Variants in MGAT5B observed in about 807,000 individuals in gnomAD.
The protein encoded by MGAT5B is alpha-1,6-mannosylglycoprotein 6-beta-N-acetylglucosaminyltransferase B, also known as N-acetylglucosaminyl-transferase Vb.
MGAT5B carries 54 observed loss-of-function variants against 95.1 expected under a neutral mutation model. The observed-to-expected ratio is 0.57, with a 90% confidence interval of 0.46 to 0.71. The LOEUF (loss-of-function observed/expected upper bound fraction) is 0.71, where lower values mean the gene tolerates loss of function less well. Ranked by LOEUF, MGAT5B falls within the 30% of genes least tolerant of loss-of-function variation. MGAT5B has a pLI of 0.00. For missense variants in MGAT5B, 935 were observed against 1,088.6 expected (o/e 0.86, Z 1.99); for synonymous variants, 464 against 451.0 (o/e 1.03, Z -0.36).
At position 76,906,249 on chromosome 17, in the gene MGAT5B, A is replaced by C. The variant is rs1598940205; in HGVS notation, c.1025+62A>C. The C allele has an allele frequency of 1.3e-6, 2 of 1,486,286 alleles. No homozygotes were observed. The highest frequency in any genetic ancestry group is 1.5e-5 in the African/African-American group (1 of 68,338). 92.1% of individuals were successfully genotyped at this position (1,486,286 alleles called of 1,614,324 possible). A position where few individuals can be genotyped will look rare whatever the true frequency, so the allele number is the denominator to read the frequency against. On this transcript the variant is annotated intron_variant, in intron 8 of 17. Coordinates refer to ENST00000569840, the MANE Select transcript of MGAT5B (RefSeq NM_001199172.2). The surrounding 1 kb of genome is among the most constrained non-coding windows in gnomAD (Gnocchi z 4.6). Reference sequence around the variant, plus strand: ...CAGGGAGGGGATGAAGGGGAACCCCACCCCTCCCTCCCAGGGGCTGTGGGA... The same window carrying C: ...CAGGGAGGGGATGAAGGGGAACCCCCCCCCTCCCTCCCAGGGGCTGTGGGA...
chr17:76,897,206 T>A (rs1319683403), intron 3 of MGAT5B, among the ~76,000 whole-genome samples: 2 of 152,166 alleles, frequency 1.3e-5, no homozygotes, highest in Non-Finnish European at 2.9e-5. Context: ...CGTGAACCTC[T>A]GGGCCTGGTC....
At chr17:76,887,904 A>G (rs1286904329) in intron 3 of MGAT5B, among the ~76,000 whole-genome samples, 1 of 147,982 alleles carries the variant, frequency 6.8e-6, no homozygotes, top group Non-Finnish European at 1.5e-5. Flanking sequence ...TCCCTCCTCT[A>G]CTCCCCGCTC....
intron 15 of MGAT5B, among the ~76,000 whole-genome samples, chr17:76,943,146 A>T: frequency 6.6e-6 from 1 of 151,952 alleles, no homozygotes; most frequent in South Asian, 2.1e-4. Context: ...AACTGGGGGA[A>T]GGACTGACTG....
chr17:76,934,172 C>G (rs1969584255), intron 12 of MGAT5B, among the ~76,000 whole-genome samples: 2 of 152,216 alleles, frequency 1.3e-5, no homozygotes, highest in African/African-American at 2.4e-5. Context: ...CAAGACGCTA[C>G]TGTTCACTGA....
chr17:76,914,648 T>G lies in MGAT5B; in HGVS notation c.1025+8461T>G, dbSNP rs1968862603. Among the ~76,000 whole-genome samples, 1 of 151,910 alleles carries G rather than the reference T, an allele frequency of 6.6e-6. No individual in the cohort carries two copies. On this transcript the variant is annotated intron_variant, in intron 8 of 17. Transcript: ENST00000569840. The surrounding 1 kb of genome is among the most constrained non-coding windows in gnomAD (Gnocchi z 5.1). ...GTGTCCACATTTCTTCTTCCTCTTT[T>G]TTTTTTTTTGAGACAGAGTCTTGCC...
chr17:76,927,598 C>T lies in MGAT5B; in HGVS notation c.1291+868C>T, dbSNP rs73357626. Among the ~76,000 whole-genome samples, 265 of 152,334 alleles carry T rather than the reference C, an allele frequency of 1.7e-3. 1 individual carries two copies. Among genetic ancestry groups the T allele is most frequent in the African/African-American group, 5.8e-3 (243 of 41,576 alleles). ...ACACACACTGACCTATCCTGTTAAA[C>T]GCAGCTCACTGAAAACAATTTCACC... is the stretch of plus-strand genomic sequence containing the variant. On this transcript the variant is annotated intron_variant, in intron 10 of 17. Coordinates refer to ENST00000569840, the MANE Select transcript of MGAT5B (RefSeq NM_001199172.2).
rs534698215 is a variant in MGAT5B at position 76,906,857 on chromosome 17, G to A, written c.1025+670G>A. On this transcript the variant is annotated intron_variant, in intron 8 of 17. Coordinates refer to ENST00000569840, the MANE Select transcript of MGAT5B (RefSeq NM_001199172.2). This position sits in a 1 kb window ranked among gnomAD's most constrained non-coding sequence, Gnocchi z 4.6. ...ATTCTTCTCTTTATTAATATTTATT[G>A]TAAGATATATGATGCATACAAAGTC... 3.3e-5 allele frequency among the ~76,000 whole-genome samples: 5 copies of A among 152,128 alleles called. No homozygotes were observed. The highest frequency in any genetic ancestry group is 2.0e-4 in the Admixed American group (3 of 15,280).
rs981701460 is a variant in MGAT5B, at chr17:76,912,520, G to A, written c.1025+6333G>A. Among the ~76,000 whole-genome samples, 21 of 152,118 alleles carry A rather than the reference G, an allele frequency of 1.4e-4. No individual in the cohort carries two copies. The highest frequency in any genetic ancestry group is 4.8e-4 in the African/African-American group (20 of 41,422). ...GTGGGAGGCGGTGGGACAAAGACGC[G>A]GCTTGTACATTTGTTGTAGTTTATT... On this transcript the variant is annotated intron_variant, in intron 8 of 17. Coordinates refer to ENST00000569840, the MANE Select transcript of MGAT5B (RefSeq NM_001199172.2). This position sits in a 1 kb window ranked among gnomAD's most constrained non-coding sequence, Gnocchi z 5.0.
At position 76,917,800 on chromosome 17, in the gene MGAT5B, G is replaced by A. The variant is rs897881137; in HGVS notation, c.1026-7166G>A. ...CGAGGAGCTGAAAATAATCCCCGACGCCCAGGCCCCAGCCCGGAGCAAATA... is the reference window on the plus strand; with the variant it reads ...CGAGGAGCTGAAAATAATCCCCGACACCCAGGCCCCAGCCCGGAGCAAATA... On this transcript the variant is annotated intron_variant, in intron 8 of 17. Coordinates refer to ENST00000569840, the MANE Select transcript of MGAT5B (RefSeq NM_001199172.2). This position sits in a 1 kb window ranked among gnomAD's most constrained non-coding sequence, Gnocchi z 6.1. Among the ~76,000 whole-genome samples the A allele has an allele frequency of 1.5e-4, 23 of 152,168 alleles. No individual in the cohort carries two copies. The highest frequency in any genetic ancestry group is 2.8e-4 in the Non-Finnish European group (19 of 68,030).
intron 12 of MGAT5B, among the ~76,000 whole-genome samples, chr17:76,934,025 A>G (rs1338094101): frequency 6.6e-6 from 1 of 152,196 alleles, no homozygotes; most frequent in Non-Finnish European, 1.5e-5. Context: ...GGCCATGCCC[A>G]CTTCCAGGGG....
intron 3 of MGAT5B, among the ~76,000 whole-genome samples, chr17:76,892,765 C>A (rs4788950): frequency 2.0e-5 from 3 of 152,162 alleles, no homozygotes. Context: ...AACACACATG[C>A]GTGTTGCCAG....
chr17:76,937,648 A>G (rs1484987796), intron 12 of MGAT5B, among the ~76,000 whole-genome samples: 2 of 152,162 alleles, frequency 1.3e-5, no homozygotes, highest in African/African-American at 2.4e-5. Flanking sequence ...AGAGCTCCAC[A>G]GCTCCTCAGA....
rs561058755 is a variant in MGAT5B at position 76,942,388 on chromosome 17, A to G, written c.1848+1540A>G. Among the ~76,000 whole-genome samples, 153 of 152,252 alleles carry G rather than the reference A, an allele frequency of 1.0e-3. 1 individual carries two copies. Among genetic ancestry groups the G allele is most frequent in the Non-Finnish European group, 1.9e-3 (128 of 68,008 alleles). On this transcript the variant is annotated intron_variant, in intron 15 of 17. Coordinates refer to ENST00000569840, the MANE Select transcript of MGAT5B (RefSeq NM_001199172.2). The stretch of plus-strand genomic sequence containing the variant: ...ACTAAAAATACAAAAAGAAATTTAG[A>G]CAGGCGTGGTGGCACACGACTGTGA...
At chr17:76,947,798 T>C (rs759979302) in intron 16 of MGAT5B, 32 bp from the exon 17 acceptor site, 8 of 1,515,498 alleles carry the variant, frequency 5.3e-6, no homozygotes, top group Non-Finnish European at 6.2e-6. Flanking sequence ...GGGTCGCACT[T>C]CCCCACCCTG....
In MGAT5B at chr17:76,870,596, C is replaced by G. The variant is rs997571280; in HGVS notation, c.68+1499C>G. Among the ~76,000 whole-genome samples, 2 of 151,996 alleles carry G rather than the reference C, an allele frequency of 1.3e-5. No individual in the cohort carries two copies. The highest frequency in any genetic ancestry group is 2.1e-4 in the South Asian group (1 of 4,822). On this transcript the variant is annotated intron_variant, in intron 1 of 17. Transcript: ENST00000569840. The surrounding 1 kb of genome is among the most constrained non-coding windows in gnomAD (Gnocchi z 5.0). ...TCGCGACCCAGGGCTGCTTCCCTGT[C>G]TGGTCCTGCCCTGGTTTTCTTTCAG...
At chr17:76,926,814 C>A in intron 10 of MGAT5B, 84 bp downstream of exon 10, 1 of 1,493,322 alleles carries the variant, frequency 6.7e-7, no homozygotes, top group Non-Finnish European at 9.1e-7. Flanking sequence ...CAGGGTCTCG[C>A]TCCTCCCTCT....
chr17:76,898,338 T>TA (rs1025708504), intron 3 of MGAT5B, among the ~76,000 whole-genome samples: 20 of 151,190 alleles, frequency 1.3e-4, no homozygotes, highest in Non-Finnish European at 1.9e-4. Context: ...TTTTATTTTT[T>TA]TTTTTTTTTG....
At chr17:76,924,871 A>C in intron 8 of MGAT5B, 95 bp from the exon 9 acceptor site, 1 of 1,465,000 alleles carries the variant, frequency 6.8e-7, no homozygotes, top group Non-Finnish European at 9.4e-7. Context: ...AGCTCTCTGC[A>C]CTTGTACAGT....
Position 76,932,862 on chromosome 17 carries a change from G to A in MGAT5B, c.1422+87G>A, listed in dbSNP as rs1969539341. 9 of 1,525,616 alleles carry A rather than the reference G, an allele frequency of 5.9e-6. No individual in the cohort carries two copies. The East Asian group carries it at 1.9e-4, about 33-fold the overall frequency. 94.5% of individuals were successfully genotyped at this position (1,525,616 alleles called of 1,614,324 possible). On this transcript the variant is annotated intron_variant, in intron 11 of 17. Coordinates refer to ENST00000569840, the MANE Select transcript of MGAT5B (RefSeq NM_001199172.2). ...CCCGCATCTCCTCCTTCCAGGATGCGGTGCCCTCCTCCCGCCCCAGCCCTG... is the reference window on the plus strand; with the variant it reads ...CCCGCATCTCCTCCTTCCAGGATGCAGTGCCCTCCTCCCGCCCCAGCCCTG...
Sources: allele counts gnomAD v4.1 joint callset (sites outside exome capture counted in the v4.1 genomes callset), GRCh38; gene constraint gnomAD v4.1.1; non-coding constraint Gnocchi (gnomAD v3.1); transcripts MANE v1.5; gene names NCBI Gene and HGNC (gene_info 2026-07-23, HGNC 2026-07-21).